The following PSMD1 variants were observed in gnomAD, a reference collection of about 807,000 sequenced individuals.
PSMD1 encodes the protein 26S proteasome non-ATPase regulatory subunit 1.
In PSMD1, 18 loss-of-function variants were observed where a neutral mutation model predicts 119.0. The observed-to-expected ratio is 0.15, with a 90% CI of 0.10 to 0.22. The LOEUF is 0.22. Ranked by LOEUF, PSMD1 falls within the 10% of genes least tolerant of loss-of-function variation. The pLI is 1.00. For synonymous variants in PSMD1, 374 were observed against 396.6 expected (o/e 0.94, Z 0.68); for missense variants, 702 against 1,158.5 (o/e 0.61, Z 5.72).
intron 1 of PSMD1, among the ~76,000 whole-genome samples, chr2:231,058,270 C>T (rs979743653): frequency 6.6e-6 from 1 of 152,154 alleles, no homozygotes; most frequent in Admixed American, 6.5e-5. Flanking sequence ...TCTTCTAACT[C>T]GGCCCAAACC....
intron 16 of PSMD1, chr2:231,123,349 T>C (rs1695610821): frequency 2.7e-6 from 3 of 1,128,546 alleles, no homozygotes; most frequent in Non-Finnish European, 4.1e-6. Flanking sequence ...TAAATGAGTG[T>C]CCATTCTCTA....
In PSMD1 at chr2:231,057,011, G is replaced by A. The variant is rs1477746020; in HGVS notation, c.-15G>A. 6.5e-6 allele frequency: 10 copies of A among 1,540,030 alleles called. No individual in the cohort carries two copies. In the Admixed American group the frequency reaches 7.9e-5, roughly 12 times the overall value. On this transcript the variant is annotated 5_prime_UTR_variant, in exon 1 of 25. The change creates a new upstream start codon in the 5' untranslated region. Transcript: ENST00000308696. ...GAACGGCGAGCGAGCCGACGGGCGA[G>A]TGAGGGGCGCAGCCATGATCACCTC... is the stretch of plus-strand genomic sequence containing the variant.
At chr2:231,165,037 TATATATATATATATATATATATATATATA>T (rs1559255866) in intron 21 of PSMD1, 134 bp from the exon 22 acceptor site, 82 of 7,986 alleles carry the variant, frequency 0.01, 9 homozygotes, top group African/African-American at 2.6e-3. Flanking sequence ...TATATATTTA[TATATATATATATATATATATATATATATA>T]TATATATATA....
intron 16 of PSMD1, among the ~76,000 whole-genome samples, chr2:231,102,806 C>T (rs1694899344): frequency 6.6e-6 from 1 of 152,068 alleles, no homozygotes; most frequent in Non-Finnish European, 1.5e-5. Flanking sequence ...CCACACAGTT[C>T]AAGCCCATAT....
Position 231,066,912 on chromosome 2 carries a change from G to T in PSMD1, c.311G>T (p.Cys104Phe). ...SEYVETIIAK[C>F]IDHYTKQCVE... is the part of the protein sequence containing the mutation. ...TATTTTATTTCCTCAACAGCAAAAT[G>T]CATTGATCACTACACCAAACAATGT... The change falls in exon 5 of 25, where the codon TGC becomes TTC. Residue 104 changes from cysteine to phenylalanine, a missense_variant. Coordinates refer to ENST00000308696, the MANE Select transcript of PSMD1 (RefSeq NM_002807.4). 1 of 1,594,204 alleles carries T rather than the reference G, an allele frequency of 6.3e-7. No individual in the cohort carries two copies. Among genetic ancestry groups the T allele is most frequent in the Non-Finnish European group, 8.5e-7 (1 of 1,173,384 alleles).
At chr2:231,100,933 C>T (rs912826914) in intron 16 of PSMD1, among the ~76,000 whole-genome samples, 6 of 152,180 alleles carry the variant, frequency 3.9e-5, no homozygotes, top group African/African-American at 1.2e-4. Context: ...TCTGTTGCAG[C>T]GTTCCTCACG....
chr2:231,076,650 C>T (rs1694174304), intron 8 of PSMD1, among the ~76,000 whole-genome samples: 1 of 150,910 alleles, frequency 6.6e-6, no homozygotes, highest in Admixed American at 6.6e-5. Flanking sequence ...AGAAACTCTG[C>T]CTCAAAAAAA....
At chr2:231,085,851 G>A (rs983340390) in intron 15 of PSMD1, among the ~76,000 whole-genome samples, 6 of 152,106 alleles carry the variant, frequency 3.9e-5, no homozygotes, top group African/African-American at 1.4e-4. Context: ...GTGGTGCTGG[G>A]AAAAGGTAAA....
intron 4 of PSMD1, among the ~76,000 whole-genome samples, chr2:231,065,216 T>G (rs1165843113): frequency 6.6e-6 from 1 of 151,846 alleles, no homozygotes; most frequent in African/African-American, 2.4e-5. Context: ...CAATGAATTA[T>G]GGAGAGGATA....
rs910881621 is a variant in PSMD1, at chr2:231,166,075, A to G, written c.2715+58A>G. 6 of 1,430,190 alleles carry G rather than the reference A, an allele frequency of 4.2e-6. No individual in the cohort carries two copies. The African/African-American group carries it at 5.7e-5, about 14-fold the overall frequency. 88.6% of individuals were successfully genotyped at this position (1,430,190 alleles called of 1,614,324 possible). On this transcript the variant is annotated intron_variant, in intron 23 of 24. Coordinates refer to ENST00000308696, the MANE Select transcript of PSMD1 (RefSeq NM_002807.4). ...CAGTGGGATATTAATCCATAGGACA[A>G]TAGAATATTGATAGAGAATGATAAA...
Position 231,067,129 on chromosome 2 carries a change from T to C in PSMD1, c.510+18T>C, listed in dbSNP as rs533089087. The stretch of plus-strand genomic sequence containing the variant: ...TGGAGTCGGTAGGTAGATGATGTTA[T>C]TTTAGAAATTATTGTTGATAGGGAA... On this transcript the variant is annotated intron_variant, in intron 5 of 24. Coordinates refer to ENST00000308696, the MANE Select transcript of PSMD1 (RefSeq NM_002807.4). 18 of 1,528,904 alleles carry C rather than the reference T, an allele frequency of 1.2e-5. No homozygotes were observed. Among genetic ancestry groups the C allele is most frequent in the Non-Finnish European group, 1.6e-5 (18 of 1,136,084 alleles). 94.7% of individuals were successfully genotyped at this position (1,528,904 alleles called of 1,614,324 possible). A position where few individuals can be genotyped will look rare whatever the true frequency, so the allele number is the denominator to read the frequency against.
intron 17 of PSMD1, among the ~76,000 whole-genome samples, chr2:231,145,153 G>A (rs1574768372): frequency 6.6e-6 from 1 of 152,192 alleles, no homozygotes; most frequent in Admixed American, 6.5e-5. Context: ...AGTAGATATA[G>A]TTGTGCATCA....
At chr2:231,083,792 A>G in intron 14 of PSMD1, 29 bp downstream of exon 14, 2 of 1,606,040 alleles carry the variant, frequency 1.2e-6, no homozygotes, top group South Asian at 1.1e-5. Flanking sequence ...CTCACTGTCC[A>G]TTTATCTCCA....
intron 19 of PSMD1, among the ~76,000 whole-genome samples, chr2:231,155,609 ATTCT>A (rs1696467662): frequency 1.3e-5 from 2 of 150,878 alleles, no homozygotes; most frequent in South Asian, 4.2e-4. Flanking sequence ...TTTTTTGTAA[ATTCT>A]TTATTTTTGA....
At chr2:231,108,299 T>A (rs1326247556) in intron 16 of PSMD1, 1 of 493,866 alleles carries the variant, frequency 2.0e-6, no homozygotes, top group African/African-American at 1.9e-5. Context: ...TTAACCAGAG[T>A]GCTGGATTGT....
chr2:231,101,789 T>A (rs1467199319), intron 16 of PSMD1, among the ~76,000 whole-genome samples: 4 of 152,144 alleles, frequency 2.6e-5, no homozygotes, highest in African/African-American at 9.7e-5. Context: ...GCTCAGATGG[T>A]CGGTGGCACT....
chr2:231,141,033 C>T (rs1348977443), intron 17 of PSMD1, among the ~76,000 whole-genome samples: 3 of 149,736 alleles, frequency 2.0e-5, no homozygotes, highest in South Asian at 2.1e-4. Context: ...ACCTGCTGGG[C>T]GCGGTGGCTC....
At chr2:231,129,736 A>G (rs1426324833) in intron 16 of PSMD1, among the ~76,000 whole-genome samples, 4 of 152,232 alleles carry the variant, frequency 2.6e-5, no homozygotes, top group African/African-American at 7.2e-5. Context: ...GAACAAAAGT[A>G]TGTTTGGGAA....
chr2:231,116,445 T>C (rs1447697778), intron 16 of PSMD1, among the ~76,000 whole-genome samples: 3 of 152,120 alleles, frequency 2.0e-5, no homozygotes, highest in African/African-American at 7.2e-5. Context: ...TCTTTTAAAA[T>C]AGTTTGCCAA....
Sources: gnomAD v4.1 joint callset for allele counts (sites outside exome capture counted in the v4.1 genomes callset) on GRCh38, gnomAD v4.1.1 for gene constraint, MANE v1.5 for transcripts, NCBI Gene and HGNC (gene_info 2026-07-23, HGNC 2026-07-21) for gene names.